Variants in COL16A1 observed in about 807,000 individuals in gnomAD.
COL16A1 encodes the protein collagen alpha-1(XVI) chain.
A neutral mutation model predicts 266.3 loss-of-function variants in COL16A1; 189 were observed. That is an observed-to-expected ratio of 0.71 (90% CI 0.63 to 0.80). The LOEUF is 0.80. COL16A1 is among the 30% of genes least tolerant of loss of function. The probability of loss-of-function intolerance (pLI) is 0.00; values close to 1 mark genes in which losing one functional copy is unlikely to be tolerated. For synonymous variants in COL16A1, 740 were observed against 782.3 expected (o/e 0.95, Z 0.90); for missense variants, 1,928 against 2,122.4 (o/e 0.91, Z 1.80).
chr1:31,654,737 A>G, intron 68 of COL16A1, 55 bp downstream of exon 68: 1 of 1,613,242 alleles, frequency 6.2e-7, no homozygotes, highest in Non-Finnish European at 8.5e-7. Context: ...CAGGGCAGAG[A>G]AGTCACAAGG....
chr1:31,684,598 C>A lies in COL16A1; in HGVS notation c.2085G>T (p.Thr695=), dbSNP rs758352657. ...GTCCTGGCCGCCCTGTGGTGCCCGG[C>A]GTTCCAGGGTCTCCAGGATTCCCAG... ...GDAGNPGDPG[T]PGTTGRPGLS... is the part of the protein sequence containing the mutation. Residue 695 remains threonine (T), a synonymous_variant, in exon 31 of 71, where the codon ACG becomes ACT. Transcript: ENST00000373672. The A allele has an allele frequency of 3.1e-6, 5 of 1,613,924 alleles. No homozygotes were observed. Among genetic ancestry groups the A allele is most frequent in the East Asian group, 2.2e-5 (1 of 44,874 alleles).
Position 31,698,588 on chromosome 1 carries a change from A to C in COL16A1, c.285T>G (p.Gly95=), listed in dbSNP as rs1186279253. The part of the protein sequence containing the change: ...TQPTRRVFPR[G]LPEEFALVLT... ...GCACCAGGGCAAACTCCTCCGGGAG[A>C]CCCCGAGGGAATACTCTTCTGGAGA... Residue 95 remains glycine, a synonymous_variant, in exon 5 of 71, where the codon GGT becomes GGG. Transcript: ENST00000373672. The surrounding 1 kb of genome is among the most constrained non-coding windows in gnomAD (Gnocchi z 4.1). 1 of 1,613,622 alleles carries C rather than the reference A, an allele frequency of 6.2e-7. No homozygotes were observed. Among genetic ancestry groups the C allele is most frequent in the African/African-American group, 1.3e-5 (1 of 74,770 alleles).
intron 42 of COL16A1, among the ~76,000 whole-genome samples, chr1:31,675,533 C>G (rs1179046634): frequency 1.3e-5 from 2 of 152,224 alleles, no homozygotes; most frequent in African/African-American, 4.8e-5. Context: ...CGTCCAACAG[C>G]AAGTGTTTTC....
At chr1:31,673,845 C>T (rs1452489045) in intron 44 of COL16A1, among the ~76,000 whole-genome samples, 10 of 152,222 alleles carry the variant, frequency 6.6e-5, no homozygotes, top group African/African-American at 2.4e-4. Flanking sequence ...CAGCATGCCC[C>T]GGGGTGCCAT....
In COL16A1 at chr1:31,652,846, T is replaced by G. The variant is rs756741599; in HGVS notation, c.4620A>C (p.Gln1540His). 1.3e-6 allele frequency: 2 copies of G among 1,524,450 alleles called. No homozygotes were observed. The highest frequency in any genetic ancestry group is 1.8e-6 in the Non-Finnish European group (2 of 1,139,288). The allele number at this position is 1,524,450 out of a possible 1,614,324, so 94.4% of individuals were successfully genotyped here. A position where few individuals can be genotyped will look rare whatever the true frequency, so the allele number is the denominator to read the frequency against. ...CCATCTTGCCATAGCCTGGAGGACC[T>G]TGAGGACCTAGGGAGGGAAGGGCCA... The part of the protein sequence containing the change: ...ENGLPGPPGP[Q>H]GPPGYGKMGA... The change falls in exon 71 of 71, where the codon CAA becomes CAC. Residue 1540 changes from glutamine to histidine, a missense_variant. This residue lies in a region of COL16A1 where 376 missense variants were observed against 485.2 expected (regional missense o/e 0.77). Transcript: ENST00000373672. The surrounding 1 kb of genome is among the most constrained non-coding windows in gnomAD (Gnocchi z 4.8).
At chr1:31,680,019 A>G (rs1570480095) in intron 40 of COL16A1, 23 bp downstream of exon 40, 1 of 1,613,162 alleles carries the variant, frequency 6.2e-7, no homozygotes, top group South Asian at 1.1e-5. Flanking sequence ...CAGTTGGGGG[A>G]AGGCTCTCAC....
intron 67 of COL16A1, among the ~76,000 whole-genome samples, 165 bp from the exon 68 acceptor site, chr1:31,655,023 A>G (rs1241430017): frequency 8.7e-6 from 1 of 114,894 alleles, no homozygotes; most frequent in Non-Finnish European, 1.7e-5. Context: ...TCACTTTGTC[A>G]CCCAGACTGG....
At chr1:31,695,625 C>G (rs1644462560) in intron 10 of COL16A1, 136 bp downstream of exon 10, 1 of 865,608 alleles carries the variant, frequency 1.2e-6, no homozygotes, top group African/African-American at 1.7e-5. Context: ...CAGACAGGGC[C>G]CAGCATCAGG....
At chr1:31,679,389 G>C in intron 42 of COL16A1, 1 of 1,517,942 alleles carries the variant, frequency 6.6e-7, no homozygotes, top group East Asian at 2.5e-5. Flanking sequence ...GACCCAGATT[G>C]TGGGTGCCTG....
At chr1:31,665,755 G>C in intron 54 of COL16A1, 127 bp downstream of exon 54, 2 of 1,595,044 alleles carry the variant, frequency 1.3e-6, no homozygotes, top group South Asian at 2.2e-5. Flanking sequence ...TGGCTGGCAG[G>C]TGAGGCTCTG....
intron 37 of COL16A1, among the ~76,000 whole-genome samples, chr1:31,681,766 C>T (rs1305756347): frequency 6.6e-6 from 1 of 152,252 alleles, no homozygotes; most frequent in African/African-American, 2.4e-5. Flanking sequence ...TTCATGTGGG[C>T]TCCGCCACCT....
chr1:31,683,451 T>A (rs1261966480), intron 34 of COL16A1, 82 bp from the exon 35 acceptor site: 1 of 1,609,076 alleles, frequency 6.2e-7, no homozygotes, highest in African/African-American at 1.3e-5. Flanking sequence ...GCAGACCTGG[T>A]CTGGGTGGGG....
intron 21 of COL16A1, 68 bp from the exon 22 acceptor site, chr1:31,690,461 G>A (rs1233675179): frequency 6.2e-7 from 1 of 1,614,082 alleles, no homozygotes; most frequent in Non-Finnish European, 8.5e-7. Context: ...GAGGGCCGGA[G>A]GACCTAGCCC....
Position 31,661,442 on chromosome 1 carries a change from G to C in COL16A1, c.3743C>G (p.Thr1248Arg), listed in dbSNP as rs904268835. ...AGGTCCTGGGAGGCCAGGATGTCCT[G>C]TTTTCCCCTTAAAGCCCTGAAAGAA... ...LMGPPGFKGK[T>R]GHPGLPGPKG... The change falls in exon 60 of 71, where the codon ACA becomes AGA. Residue 1248 changes from threonine (T) to arginine (R), a missense_variant. Physicochemically the swap from Thr to Arg is moderately conservative, Grantham distance 71. Transcript: ENST00000373672. 6 of 1,614,014 alleles carry C rather than the reference G, an allele frequency of 3.7e-6. No individual in the cohort carries two copies. In the Admixed American group the frequency reaches 5.0e-5, roughly 13 times the overall value.
At chr1:31,692,297 G>A (rs1425782791) in intron 16 of COL16A1, among the ~76,000 whole-genome samples, 177 bp downstream of exon 16, 8 of 151,988 alleles carry the variant, frequency 5.3e-5, no homozygotes, top group African/African-American at 1.2e-4. Context: ...CCTCTAGGTC[G>A]GCTGGGTATT....
Position 31,694,159 on chromosome 1 carries a change from A to G in COL16A1, c.993T>C (p.Ala331=), listed in dbSNP as rs1421636780. 1.3e-6 allele frequency: 2 copies of G among 1,598,072 alleles called. No individual in the cohort carries two copies. Among genetic ancestry groups the G allele is most frequent in the East Asian group, 4.5e-5 (2 of 44,268 alleles). The change falls in exon 12 of 71, where the codon GCT becomes GCC. Residue 331 remains alanine, a synonymous_variant. Coordinates refer to ENST00000373672, the MANE Select transcript of COL16A1 (RefSeq NM_001856.4). ...TAGGACTCACCTTGGGGCCAGAGGGAGCAAGTGTGACCTGAGGGGACAGAG... is the reference window on the plus strand; with the variant it reads ...TAGGACTCACCTTGGGGCCAGAGGGGGCAAGTGTGACCTGAGGGGACAGAG... The part of the protein sequence containing the change: ...HGARDSNVTL[A]PSGPKGGKGE...
At chr1:31,672,946 C>T (rs1444965521) in intron 44 of COL16A1, 106 bp from the exon 45 acceptor site, 2 of 1,040,542 alleles carry the variant, frequency 1.9e-6, no homozygotes, top group African/African-American at 1.6e-5. Context: ...CCTGCCCTGC[C>T]GTCTTCCCTC....
In COL16A1 at chr1:31,658,514, C is replaced by T. The variant is rs1388885458; in HGVS notation, c.3994G>A (p.Gly1332Ser). ...GGGGGGCCAGGGTGTCCAGGGGGGC[C>T]GGGCTGGCCTGGGAGGCCTGCAAGG... ...RGLAGLPGQP[G>S]PPGHPGPPGE... Residue 1332 changes from glycine (G) to serine (S), a missense_variant, in exon 64 of 71, where the codon GGC becomes AGC. By Grantham distance (56) the Gly-to-Ser change is moderately conservative. Coordinates refer to ENST00000373672, the MANE Select transcript of COL16A1 (RefSeq NM_001856.4). 1.9e-6 allele frequency: 3 copies of T among 1,604,774 alleles called. No homozygotes were observed. Among genetic ancestry groups the T allele is most frequent in the Admixed American group, 1.7e-5 (1 of 58,402 alleles).
intron 42 of COL16A1, among the ~76,000 whole-genome samples, chr1:31,676,373 G>A (rs931010503): frequency 2.0e-5 from 3 of 151,076 alleles, no homozygotes; most frequent in African/African-American, 7.3e-5. Flanking sequence ...CTTGCCAAAG[G>A]TCACAAGTTG....
Sources: allele counts gnomAD v4.1 joint callset (sites outside exome capture counted in the v4.1 genomes callset), GRCh38; gene constraint gnomAD v4.1.1; regional missense constraint gnomAD v4.1.1; non-coding constraint Gnocchi (gnomAD v3.1); transcripts MANE v1.5; gene names NCBI Gene and HGNC (gene_info 2026-07-23, HGNC 2026-07-21).